ARHGAP39: variants seen among roughly 807,000 people sequenced by gnomAD.
ARHGAP39 encodes Rho GTPase activating protein 39.
A neutral mutation model predicts 106.9 loss-of-function variants in ARHGAP39; 44 were observed. That is an observed-to-expected ratio of 0.41 (90% confidence interval 0.32 to 0.53). The LOEUF is 0.53. Among genes scored for constraint, ARHGAP39 ranks in the 20% least tolerant of loss-of-function variants. The probability of loss-of-function intolerance (pLI) is 0.21; values close to 1 mark genes in which losing one functional copy is unlikely to be tolerated. For missense variants in ARHGAP39, 1,496 were observed against 1,577.3 expected, an observed-to-expected ratio of 0.95 and a Z score of 0.87; for synonymous variants, 768 against 693.2, an observed-to-expected ratio of 1.11 and a Z score of -1.69.
chr8:144,654,814 C>G (rs1055214372), intron 1 of ARHGAP39, among the ~76,000 whole-genome samples: 1 of 152,028 alleles, frequency 6.6e-6, no homozygotes, highest in Non-Finnish European at 1.5e-5. Flanking sequence ...CTGAGCCTCC[C>G]TGTGTTCTTG....
chr8:144,561,961 G>A (rs1446222977), intron 3 of ARHGAP39, among the ~76,000 whole-genome samples: 1 of 124,188 alleles, frequency 8.1e-6, no homozygotes, highest in Middle Eastern at 6.6e-3. Context: ...GTTTCCATCG[G>A]ACTCCAGTGG....
chr8:144,693,903 G>C, the ARHGAP39 span, among the ~76,000 whole-genome samples: 1 of 152,180 alleles, frequency 6.6e-6, no homozygotes, highest in Non-Finnish European at 1.5e-5. Context: ...AAGTGCAGTG[G>C]GGACAAGTCA....
intron 6 of ARHGAP39, among the ~76,000 whole-genome samples, chr8:144,538,410 TAGG>T (rs1342366087): frequency 1.3e-5 from 2 of 152,190 alleles, no homozygotes; most frequent in Non-Finnish European, 2.9e-5. Context: ...CCACACTCTG[TAGG>T]AGGAGTCACT....
chr8:144,555,420 C>T, intron 4 of ARHGAP39, 140 bp downstream of exon 4: 1 of 761,404 alleles, frequency 1.3e-6, no homozygotes, highest in Non-Finnish European at 2.3e-6. Flanking sequence ...GCCCCTGGCC[C>T]TGTGGCCTCC....
At chr8:144,558,000 G>A (rs1009902891) in intron 3 of ARHGAP39, among the ~76,000 whole-genome samples, 1 of 152,236 alleles carries the variant, frequency 6.6e-6, no homozygotes, top group Non-Finnish European at 1.5e-5. Context: ...CTTCAGCAGT[G>A]CGGAGAGACC....
At chr8:144,666,664 C>T (rs755810414) in intron 1 of ARHGAP39, among the ~76,000 whole-genome samples, 7 of 152,308 alleles carry the variant, frequency 4.6e-5, no homozygotes, top group South Asian at 2.1e-4. Context: ...CTTCACCTCC[C>T]GCTATGATTC....
intron 1 of ARHGAP39, among the ~76,000 whole-genome samples, chr8:144,613,673 C>T (rs11991859): frequency 0.14 from 21,437 of 151,588 alleles, 3,706 homozygotes; most frequent in African/African-American, 0.41. Context: ...TTGAGTAACT[C>T]GATGATGATG....
At chr8:144,569,598 T>C (rs1818515381) in intron 3 of ARHGAP39, among the ~76,000 whole-genome samples, 1 of 152,170 alleles carries the variant, frequency 6.6e-6, no homozygotes, top group Non-Finnish European at 1.5e-5. Context: ...GTGAAGCAGG[T>C]AGACGAATGG....
intron 1 of ARHGAP39, among the ~76,000 whole-genome samples, chr8:144,643,856 G>A (rs1179331953): frequency 6.6e-6 from 1 of 151,998 alleles, no homozygotes; most frequent in Non-Finnish European, 1.5e-5. Context: ...TTGATAGAAA[G>A]TCTATTTTGC....
chr8:144,599,771 G>A (rs114123026), intron 2 of ARHGAP39, among the ~76,000 whole-genome samples: 1,683 of 152,318 alleles, frequency 0.011, 33 homozygotes, highest in African/African-American at 0.039. Context: ...AGCCAGTGTC[G>A]CATTCCTGGG....
intron 1 of ARHGAP39, among the ~76,000 whole-genome samples, chr8:144,656,141 T>C (rs747148064): frequency 2.4e-5 from 3 of 127,366 alleles, no homozygotes; most frequent in Non-Finnish European, 5.0e-5. Flanking sequence ...TAATACTGGA[T>C]AAAAACTTGA....
intron 2 of ARHGAP39, among the ~76,000 whole-genome samples, chr8:144,598,988 G>C (rs982593016): frequency 6.6e-6 from 1 of 152,228 alleles, no homozygotes; most frequent in Non-Finnish European, 1.5e-5. Flanking sequence ...AATACACGGA[G>C]GGTAACTACT....
chr8:144,675,064 AC>A (rs1164004359), intron 1 of ARHGAP39, among the ~76,000 whole-genome samples: 1 of 151,708 alleles, frequency 6.6e-6, no homozygotes, highest in Non-Finnish European at 1.5e-5. Flanking sequence ...CCAGGCTCCC[AC>A]CCCTCCAACT....
At chr8:144,546,298 C>T (rs1817418619) in intron 5 of ARHGAP39, among the ~76,000 whole-genome samples, 3 of 152,206 alleles carry the variant, frequency 2.0e-5, no homozygotes, top group Non-Finnish European at 4.4e-5. Flanking sequence ...CCCCTCCCTG[C>T]CTGCTGCTCT....
At chr8:144,532,880 G>A (rs1197549233) in intron 9 of ARHGAP39, among the ~76,000 whole-genome samples, 2 of 152,206 alleles carry the variant, frequency 1.3e-5, no homozygotes, top group Non-Finnish European at 2.9e-5. Context: ...CCTGGTGGCC[G>A]TCTCTGCAGG....
At chr8:144,677,272 CA>C (rs1391769408) in intron 1 of ARHGAP39, among the ~76,000 whole-genome samples, 1 of 152,228 alleles carries the variant, frequency 6.6e-6, no homozygotes, top group Non-Finnish European at 1.5e-5. Context: ...TCCAGTCACT[CA>C]ACCAAAAGAA....
At chr8:144,623,311 G>T (rs1016879794) in intron 1 of ARHGAP39, among the ~76,000 whole-genome samples, 1 of 152,212 alleles carries the variant, frequency 6.6e-6, no homozygotes, top group East Asian at 1.9e-4. Flanking sequence ...TACAAGGAAA[G>T]ATGGTGGAAA....
chr8:144,685,606 G>A (rs1430392607), intron 1 of ARHGAP39, among the ~76,000 whole-genome samples, 80 bp downstream of exon 1: 1 of 148,888 alleles, frequency 6.7e-6, no homozygotes, highest in Admixed American at 6.7e-5. Context: ...GGCTGGGCCA[G>A]GACCACGGGG....
At chr8:144,563,455 T>C (rs972806142) in intron 3 of ARHGAP39, among the ~76,000 whole-genome samples, 1 of 152,094 alleles carries the variant, frequency 6.6e-6, no homozygotes, top group Admixed American at 6.5e-5. Flanking sequence ...AGTCTCTGCA[T>C]GAGAAAAACC....
Sources: gnomAD v4.1 joint callset for allele counts (sites outside exome capture counted in the v4.1 genomes callset) on GRCh38, gnomAD v4.1.1 for gene constraint, MANE v1.5 for transcripts, NCBI Gene and HGNC (gene_info 2026-07-23, HGNC 2026-07-21) for gene names.